Variants in PCDHGA7 observed in about 807,000 individuals in gnomAD.
The protein encoded by PCDHGA7 is protocadherin gamma-A7.
In PCDHGA7, 44 loss-of-function variants were observed where a neutral mutation model predicts 58.3. That is an observed-to-expected ratio of 0.75 (90% CI 0.59 to 0.97). The LOEUF is 0.97. Among genes scored for constraint, PCDHGA7 ranks in the 50% least tolerant of loss-of-function variants. The pLI, the probability that PCDHGA7 is intolerant of heterozygous loss-of-function variation, is 0.00. For synonymous variants in PCDHGA7, 516 were observed against 504.2 expected (o/e 1.02, Z -0.31); for missense variants, 1,266 against 1,188.7 (o/e 1.06, Z -0.96).
In PCDHGA7 at chr5:141,432,399, C is replaced by T. The variant is rs2097496727; in HGVS notation, c.2424+47076C>T. ...CACCCGCCCCTCAGCAGCAACGTGT[C>T]GTTGAGCCTGTTCGTGCTGGACCAG... is the stretch of plus-strand genomic sequence containing the variant. On this transcript the variant is annotated intron_variant, in intron 1 of 3. Coordinates refer to ENST00000518325, the MANE Select transcript of PCDHGA7 (RefSeq NM_018920.4). This position sits in a 1 kb window ranked among gnomAD's most constrained non-coding sequence, Gnocchi z 6.0. 1.2e-6 allele frequency: 2 copies of T among 1,614,240 alleles called. No homozygotes were observed. Among genetic ancestry groups the T allele is most frequent in the Non-Finnish European group, 1.7e-6 (2 of 1,180,040 alleles).
In PCDHGA7 at chr5:141,392,458, G is replaced by A. The variant is rs113238570; in HGVS notation, c.2424+7135G>A. The A allele has an allele frequency of 2.2e-3, 375 of 170,410 alleles. 4 individuals are homozygous for A. Among genetic ancestry groups the A allele is most frequent in the African/African-American group, 8.5e-3 (357 of 42,198 alleles). The allele number at this position is 170,410 out of a possible 1,614,324, so 10.6% of individuals were successfully genotyped here. ...GTTTCTTTTAAAATATGGGTTTACG[G>A]ATAAATCAAATAAATTCAAAACAAA... On this transcript the variant is annotated intron_variant, in intron 1 of 3. Coordinates refer to ENST00000518325, the MANE Select transcript of PCDHGA7 (RefSeq NM_018920.4).
intron 1 of PCDHGA7, chr5:141,423,100 G>C (rs2096709499): frequency 6.2e-7 from 1 of 1,613,944 alleles, no homozygotes; most frequent in Non-Finnish European, 8.5e-7. Context: ...GGAGCACACG[G>C]GCGAGGTGCG....
rs2099621975 is a variant in PCDHGA7 at position 141,485,946 on chromosome 5, G to A, written c.2425-8861G>A. ...AGTGTGTTGGAGAGCGCACCAGCGG[G>A]CATGGTGCTCATCCAGCTCAATGCC... On this transcript the variant is annotated intron_variant, in intron 1 of 3. Transcript: ENST00000518325. This position sits in a 1 kb window ranked among gnomAD's most constrained non-coding sequence, Gnocchi z 5.7. The A allele has an allele frequency of 1.2e-6, 2 of 1,614,040 alleles. No homozygotes were observed. The highest frequency in any genetic ancestry group is 2.2e-5 in the East Asian group (1 of 44,884).
At chr5:141,478,443 C>T (rs2099456258) in intron 1 of PCDHGA7, 3 of 1,613,494 alleles carry the variant, frequency 1.9e-6, no homozygotes, top group Admixed American at 1.7e-5. Flanking sequence ...CTGAAGAAAC[C>T]TGGTGCAGCC....
At chr5:141,424,960 C>T (rs1291822416) in intron 1 of PCDHGA7, among the ~76,000 whole-genome samples, 1 of 152,102 alleles carries the variant, frequency 6.6e-6, no homozygotes, top group African/African-American at 2.4e-5. Context: ...AGGTATTTGC[C>T]CCAAATTACT....
chr5:141,404,278 G>T (rs780738049), intron 1 of PCDHGA7: 7 of 1,613,962 alleles, frequency 4.3e-6, no homozygotes, highest in Admixed American at 3.3e-5. Flanking sequence ...CCCTGCAAGT[G>T]ACTGACATCA....
Position 141,450,830 on chromosome 5 carries a change from T to TTA in PCDHGA7, c.2425-43976_2425-43975insAT, listed in dbSNP as rs200967731. 4.3e-3 allele frequency among the ~76,000 whole-genome samples: 438 copies of TTA among 101,540 alleles called. 3 individuals carry two copies. Among genetic ancestry groups the TTA allele is most frequent in the African/African-American group, 0.015 (349 of 23,046 alleles). 66.6% of individuals were successfully genotyped at this position (101,540 alleles called of 152,430 possible). ...TATTTATTTAATATTATTATTATTA[T>TTA]TTTTTTTTTTTTGAGATGGGGTCTT... On this transcript the variant is annotated intron_variant, in intron 1 of 3. Transcript: ENST00000518325.
intron 1 of PCDHGA7, chr5:141,413,151 T>G (rs1192899612): frequency 6.4e-7 from 1 of 1,573,560 alleles, no homozygotes; most frequent in Non-Finnish European, 8.6e-7. Context: ...GTGAGGACTT[T>G]GCAGAATTCT....
chr5:141,422,577 T>G, intron 1 of PCDHGA7: 1 of 1,613,848 alleles, frequency 6.2e-7, no homozygotes, highest in Non-Finnish European at 8.5e-7. Context: ...ACGATAACCC[T>G]CCCGTTTTTC....
At position 141,485,272 on chromosome 5, in the gene PCDHGA7, C is replaced by T. The variant is rs764196730; in HGVS notation, c.2425-9535C>T. The T allele has an allele frequency of 1.9e-6, 3 of 1,613,948 alleles. No homozygotes were observed. The highest frequency in any genetic ancestry group is 2.7e-5 in the African/African-American group (2 of 74,932). On this transcript the variant is annotated intron_variant, in intron 1 of 3. Transcript: ENST00000518325. The surrounding 1 kb of genome is among the most constrained non-coding windows in gnomAD (Gnocchi z 5.7). ...GTTACGTTTGTGGGCAGATCCGCTACCCGGTCCCAGAGGAGTCACAGGAAG... is the reference window on the plus strand; with the variant it reads ...GTTACGTTTGTGGGCAGATCCGCTATCCGGTCCCAGAGGAGTCACAGGAAG...
At chr5:141,479,855 C>T (rs1330076788) in intron 1 of PCDHGA7, among the ~76,000 whole-genome samples, 2 of 152,128 alleles carry the variant, frequency 1.3e-5, no homozygotes, top group Non-Finnish European at 2.9e-5. Context: ...ACTGCAAGGC[C>T]TTTGCCCTGG....
At chr5:141,469,249 C>T (rs1025813940) in intron 1 of PCDHGA7, among the ~76,000 whole-genome samples, 1 of 152,026 alleles carries the variant, frequency 6.6e-6, no homozygotes, top group Non-Finnish European at 1.5e-5. Flanking sequence ...TGCACTCCAG[C>T]TTGGGCAACA....
intron 1 of PCDHGA7, among the ~76,000 whole-genome samples, chr5:141,437,919 G>A (rs2097917914): frequency 1.3e-5 from 2 of 152,078 alleles, no homozygotes; most frequent in Admixed American, 1.3e-4. Context: ...TGTATTTTTA[G>A]TAGAGATGGG....
chr5:141,394,336 A>C lies in PCDHGA7; in HGVS notation c.2424+9013A>C, dbSNP rs1205005872. On this transcript the variant is annotated intron_variant, in intron 1 of 3. Coordinates refer to ENST00000518325, the MANE Select transcript of PCDHGA7 (RefSeq NM_018920.4). ...CCCCTGTCCTCGTATATCTCCATCA[A>C]CTCTGACACCGGTGTCCTGTATGCG... 6.2e-7 allele frequency: 1 copy of C among 1,613,822 alleles called. No homozygotes were observed. The highest frequency in any genetic ancestry group is 1.1e-5 in the South Asian group (1 of 91,058).
At chr5:141,409,743 T>C in intron 1 of PCDHGA7, 2 of 1,613,048 alleles carry the variant, frequency 1.2e-6, no homozygotes, top group Non-Finnish European at 1.7e-6. Flanking sequence ...AGCGGGGTGG[T>C]GTTCGCGCAG....
At chr5:141,469,929 G>C (rs1208858245) in intron 1 of PCDHGA7, among the ~76,000 whole-genome samples, 1 of 152,168 alleles carries the variant, frequency 6.6e-6, no homozygotes, top group Non-Finnish European at 1.5e-5. Context: ...TCAGGAGTTT[G>C]AGACCAGCCT....
chr5:141,436,167 G>A (rs933669166), intron 1 of PCDHGA7, among the ~76,000 whole-genome samples: 2 of 152,088 alleles, frequency 1.3e-5, no homozygotes, highest in Non-Finnish European at 2.9e-5. Flanking sequence ...CATATGGACA[G>A]TTCTCATATA....
chr5:141,449,528 G>C (rs1298713821), intron 1 of PCDHGA7, among the ~76,000 whole-genome samples: 1 of 149,040 alleles, frequency 6.7e-6, no homozygotes, highest in African/African-American at 2.5e-5. Context: ...GGCGGAGGTT[G>C]CAGTGAGCCG....
intron 1 of PCDHGA7, among the ~76,000 whole-genome samples, chr5:141,434,605 T>C (rs1448149059): frequency 6.6e-6 from 1 of 152,198 alleles, no homozygotes; most frequent in Non-Finnish European, 1.5e-5. Context: ...ATCCCTTTAT[T>C]TCCGCCCATC....
Sources: gnomAD v4.1 joint callset for allele counts (sites outside exome capture counted in the v4.1 genomes callset) on GRCh38, gnomAD v4.1.1 for gene constraint, Gnocchi (gnomAD v3.1) non-coding constraint, MANE v1.5 for transcripts, NCBI Gene and HGNC (gene_info 2026-07-23, HGNC 2026-07-21) for gene names.